Variants in IGSF9B observed in about 807,000 individuals in gnomAD.
The protein encoded by IGSF9B is protein turtle homolog B.
Under a neutral mutation model 143.7 loss-of-function variants are expected in IGSF9B, and 48 were observed. The ratio of observed to expected loss-of-function variants is 0.33; its 90% confidence interval spans 0.26 to 0.42. IGSF9B has a LOEUF of 0.42. IGSF9B is among the 20% of genes least tolerant of loss of function. The pLI is 1.00. For missense variants in IGSF9B, 1,706 were observed against 1,980.0 expected (o/e 0.86, Z 2.63); for synonymous variants, 903 against 833.1 (o/e 1.08, Z -1.44).
At chr11:133,941,314 G>A (rs1939952941) in intron 3 of IGSF9B, among the ~76,000 whole-genome samples, 2 of 152,156 alleles carry the variant, frequency 1.3e-5, no homozygotes, top group South Asian at 2.1e-4. Flanking sequence ...TCAGGCTTTT[G>A]GGGTATTTTA....
rs867291990 is a variant in IGSF9B at position 133,911,929 on chromosome 11, G to C, written c.4062C>G (p.Pro1354=). ...TCGAAGAGCCCTTGGATGACTTTTT[G>C]GGCTTCTTTATCCGTTGGTATTTCA... ...EALKYQRIKK[P]KKSSKGSSKS... Residue 1354 remains proline, a synonymous_variant, in exon 19 of 20, where the codon CCC becomes CCG. Coordinates refer to ENST00000533871, the MANE Select transcript of IGSF9B (RefSeq NM_001277285.4). 2.3e-5 allele frequency: 35 copies of C among 1,534,546 alleles called. No homozygotes were observed. In the Middle Eastern group the frequency reaches 2.7e-3, roughly 118 times the overall value.
chr11:133,910,238 TGAAA>T (rs752766271), intron 19 of IGSF9B, among the ~76,000 whole-genome samples: 1 of 152,136 alleles, frequency 6.6e-6, no homozygotes, highest in Non-Finnish European at 1.5e-5. Flanking sequence ...TGTTCGTAAC[TGAAA>T]GAGAGGATGC....
At chr11:133,942,616 C>A (rs1939971741) in intron 3 of IGSF9B, among the ~76,000 whole-genome samples, 1 of 152,186 alleles carries the variant, frequency 6.6e-6, no homozygotes, top group Non-Finnish European at 1.5e-5. Flanking sequence ...GATGGTTTCA[C>A]CCTCCCATTC....
At position 133,953,337 on chromosome 11, in the gene IGSF9B, C is replaced by T. The variant is rs184528505; in HGVS notation, c.64+3354G>A. On this transcript the variant is annotated intron_variant, in intron 1 of 19. Transcript: ENST00000533871. This position sits in a 1 kb window ranked among gnomAD's most constrained non-coding sequence, Gnocchi z 4.2. ...TTGCCCTCTGCCCCTCAGCCAAGCC[C>T]TTCTCACATCCCCGTCTCCCCAGCT... is the stretch of plus-strand genomic sequence containing the variant. Among the ~76,000 whole-genome samples the T allele has an allele frequency of 1.7e-3, 254 of 152,300 alleles. 2 individuals are homozygous for T. The highest frequency in any genetic ancestry group is 5.8e-3 in the African/African-American group (243 of 41,572).
chr11:133,940,761 A>G (rs1682862), intron 3 of IGSF9B, among the ~76,000 whole-genome samples: 84,345 of 146,388 alleles, frequency 0.58, 26,384 homozygotes, highest in Middle Eastern at 0.72. Flanking sequence ...GCACGTCCTC[A>G]CACGCGTCAT....
In IGSF9B at chr11:133,908,151, G is replaced by A. The variant is rs1441523230; in HGVS notation, c.*918C>T. On this transcript the variant is annotated 3_prime_UTR_variant, in exon 20 of 20. Transcript: ENST00000533871. ...TGGGCGGAAGGGCGCCGACGGATGCGCTGGACATGTGCACCAGAGGCTTGC... is the reference window on the plus strand; with the variant it reads ...TGGGCGGAAGGGCGCCGACGGATGCACTGGACATGTGCACCAGAGGCTTGC... Among the ~76,000 whole-genome samples the A allele has an allele frequency of 2.0e-5, 3 of 152,188 alleles. No individual in the cohort carries two copies. The highest frequency in any genetic ancestry group is 1.9e-4 in the East Asian group (1 of 5,176).
chr11:133,935,660 G>A lies in IGSF9B; in HGVS notation c.924C>T (p.Ser308=). ...CCGAGGCGGAGGGGGAGCGCCCCAG[G>A]CTGTTGCTGGGCACACAGGTGTACT... The part of the protein sequence containing the change: ...SGKYTCVPSN[S]LGRSPSASAY... Residue 308 remains serine (S), a synonymous_variant, in exon 7 of 20, where the codon AGC becomes AGT. Transcript: ENST00000533871. 1 of 1,610,706 alleles carries A rather than the reference G, an allele frequency of 6.2e-7. No homozygotes were observed. The highest frequency in any genetic ancestry group is 2.2e-5 in the East Asian group (1 of 44,772).
At position 133,909,389 on chromosome 11, in the gene IGSF9B, A is replaced by C; in HGVS notation, c.4106-112T>G. 1 of 881,310 alleles carries C rather than the reference A, an allele frequency of 1.1e-6. No individual in the cohort carries two copies. Among genetic ancestry groups the C allele is most frequent in the East Asian group, 2.6e-5 (1 of 37,868 alleles). The allele number at this position is 881,310 out of a possible 1,614,324, so 54.6% of individuals were successfully genotyped here. Reference sequence around the variant, plus strand: ...GTTCCGGGTTTCTAATGTTGAAACAAAGGAATCACCTGAGTCTAGAGAGAC... The same window carrying C: ...GTTCCGGGTTTCTAATGTTGAAACACAGGAATCACCTGAGTCTAGAGAGAC... On this transcript the variant is annotated intron_variant, in intron 19 of 19. Coordinates refer to ENST00000533871, the MANE Select transcript of IGSF9B (RefSeq NM_001277285.4). The surrounding 1 kb of genome is among the most constrained non-coding windows in gnomAD (Gnocchi z 4.2).
chr11:133,911,776 G>T, intron 19 of IGSF9B, 110 bp downstream of exon 19: 1 of 1,031,330 alleles, frequency 9.7e-7, no homozygotes, highest in African/African-American at 1.7e-5. Context: ...GAAAGCCCAA[G>T]GTTGGGGCCC....
At position 133,899,236 on chromosome 11, in the gene IGSF9B, G is replaced by C. The variant is rs1307113752; in HGVS notation, c.*9833C>G. 6.6e-6 allele frequency: 1 copy of C among 152,366 alleles called. No homozygotes were observed. The highest frequency in any genetic ancestry group is 2.4e-5 in the African/African-American group (1 of 41,456). 9.4% of individuals were successfully genotyped at this position (152,366 alleles called of 1,614,324 possible). On this transcript the variant is annotated 3_prime_UTR_variant, in exon 20 of 20. Transcript: ENST00000533871. ...CTGGCAGTGGCTGTGGGCCGTAAAA[G>C]CTCCATCAGAGCACACTCATCCACC...
chr11:133,911,790 G>T, intron 19 of IGSF9B, 96 bp downstream of exon 19: 1 of 1,236,884 alleles, frequency 8.1e-7, no homozygotes, highest in Non-Finnish European at 1.1e-6. Context: ...GGGGCCCTGA[G>T]CCCAATAACC....
intron 1 of IGSF9B, among the ~76,000 whole-genome samples, chr11:133,950,568 C>T (rs943292621): frequency 6.6e-6 from 1 of 152,234 alleles, no homozygotes; most frequent in Non-Finnish European, 1.5e-5. Flanking sequence ...ACCCAGGCGC[C>T]GGGATCAAGG....
chr11:133,924,053 G>A (rs1939584752), intron 15 of IGSF9B, among the ~76,000 whole-genome samples: 1 of 152,146 alleles, frequency 6.6e-6, no homozygotes, highest in Non-Finnish European at 1.5e-5. Flanking sequence ...CCTGCAGTGT[G>A]CCCACACCAG....
chr11:133,908,993 G>C lies in IGSF9B; in HGVS notation c.*76C>G. On this transcript the variant is annotated 3_prime_UTR_variant, in exon 20 of 20. Transcript: ENST00000533871. ...GGGCCGCCCTTGGCAGACGGAGGAG[G>C]ACACACCCCCACACAGTGGCCCTCC... The C allele has an allele frequency of 1.6e-6, 2 of 1,283,220 alleles. No homozygotes were observed. Among genetic ancestry groups the C allele is most frequent in the Non-Finnish European group, 2.2e-6 (2 of 925,982 alleles). 79.5% of individuals were successfully genotyped at this position (1,283,220 alleles called of 1,614,324 possible).
Position 133,948,078 on chromosome 11 carries a change from T to C in IGSF9B, c.65-1820A>G, listed in dbSNP as rs918505609. ...GTGCGTGTGTGTGTGTGTGTGTGTG[T>C]GTGTGTGTGTGTCTGTGTGTGTTTC... On this transcript the variant is annotated intron_variant, in intron 1 of 19. Coordinates refer to ENST00000533871, the MANE Select transcript of IGSF9B (RefSeq NM_001277285.4). The surrounding 1 kb of genome is among the most constrained non-coding windows in gnomAD (Gnocchi z 4.7). Among the ~76,000 whole-genome samples the C allele has an allele frequency of 4.1e-5, 6 of 145,612 alleles. No individual in the cohort carries two copies. The highest frequency in any genetic ancestry group is 7.7e-5 in the Non-Finnish European group (5 of 64,736).
rs1565409975 is a variant in IGSF9B, at chr11:133,902,481, A to AG, written c.*6587_*6588insC. On this transcript the variant is annotated 3_prime_UTR_variant, in exon 20 of 20. Transcript: ENST00000533871. ...ACACACAGATACACACACCACACAC[A>AG]ACACACACACACACCAGACATGCAC... Among the ~76,000 whole-genome samples, 1 of 65,470 alleles carries AG rather than the reference A, an allele frequency of 1.5e-5. No individual in the cohort carries two copies. Among genetic ancestry groups the AG allele is most frequent in the South Asian group, 6.3e-4 (1 of 1,592 alleles). The allele number at this position is 65,470 out of a possible 152,430, so 43.0% of individuals were successfully genotyped here.
Position 133,908,920 on chromosome 11 carries a change from G to C in IGSF9B, c.*149C>G. 1.5e-6 allele frequency: 1 copy of C among 673,740 alleles called. No individual in the cohort carries two copies. The highest frequency in any genetic ancestry group is 2.7e-5 in the East Asian group (1 of 36,466). 41.7% of individuals were successfully genotyped at this position (673,740 alleles called of 1,614,324 possible). The stretch of plus-strand genomic sequence containing the variant: ...TGAAGACAGGCGGCCAGGATCTGGA[G>C]GGAGACACCCGCTCTGGCAAAAGAG... On this transcript the variant is annotated 3_prime_UTR_variant, in exon 20 of 20. Transcript: ENST00000533871.
At position 133,905,448 on chromosome 11, in the gene IGSF9B, T is replaced by C. The variant is rs1188754871; in HGVS notation, c.*3621A>G. On this transcript the variant is annotated 3_prime_UTR_variant, in exon 20 of 20. Transcript: ENST00000533871. The surrounding 1 kb of genome is among the most constrained non-coding windows in gnomAD (Gnocchi z 4.0). ...AATCAGAAAATTTCACATTTGAACC[T>C]TACCCCAGTTTCCTCAGCACAAAAA... 6.6e-6 allele frequency among the ~76,000 whole-genome samples: 1 copy of C among 152,122 alleles called. No homozygotes were observed. The highest frequency in any genetic ancestry group is 6.6e-5 in the Admixed American group (1 of 15,264).
intron 5 of IGSF9B, 141 bp downstream of exon 5, chr11:133,937,235 G>A (rs1939840885): frequency 1.7e-6 from 1 of 596,610 alleles, no homozygotes; most frequent in East Asian, 2.9e-5. Context: ...GCAGCACACA[G>A]GAGCCCCGCA....
Sources: allele counts gnomAD v4.1 joint callset (sites outside exome capture counted in the v4.1 genomes callset), GRCh38; gene constraint gnomAD v4.1.1; non-coding constraint Gnocchi (gnomAD v3.1); transcripts MANE v1.5; gene names NCBI Gene and HGNC (gene_info 2026-07-23, HGNC 2026-07-21).